Variants in USH2A observed in about 807,000 individuals in gnomAD.
USH2A encodes the protein usherin.
Under a neutral mutation model 538.9 loss-of-function variants are expected in USH2A, and 443 were observed. The ratio of observed to expected loss-of-function variants is 0.82; its 90% CI spans 0.76 to 0.89. The LOEUF (loss-of-function observed/expected upper bound fraction) is 0.89. Among genes scored for constraint, USH2A ranks in the 40% least tolerant of loss-of-function variants. USH2A has a pLI of 0.00. For synonymous variants in USH2A, 2,413 were observed against 2,273.5 expected, an observed-to-expected ratio of 1.06 and a Z score of -1.75; for missense variants, 6,633 against 6,324.8, an observed-to-expected ratio of 1.05 and a Z score of -1.65.
chr1:216,338,773 CAT>C (rs1384663435), intron 4 of USH2A, among the ~76,000 whole-genome samples: 1 of 151,292 alleles, frequency 6.6e-6, no homozygotes, highest in African/African-American at 2.4e-5. Flanking sequence ...ACTCAAATGC[CAT>C]ATGTTTCAAT....
chr1:215,877,721 A>G (rs1327129956), intron 43 of USH2A, 37 bp downstream of exon 43: 1 of 1,612,400 alleles, frequency 6.2e-7, no homozygotes, highest in Admixed American at 1.7e-5. Flanking sequence ...CCAGAACTAA[A>G]TGCCAGCATT....
At chr1:216,097,315 C>T in intron 21 of USH2A, 102 bp from the exon 22 acceptor site, 2 of 1,590,962 alleles carry the variant, frequency 1.3e-6, no homozygotes, top group Non-Finnish European at 8.6e-7. Flanking sequence ...GTAGTGAGTA[C>T]AGTCAGGAAA....
At chr1:215,781,297 A>C (rs1014002780) in intron 54 of USH2A, among the ~76,000 whole-genome samples, 2 of 152,218 alleles carry the variant, frequency 1.3e-5, no homozygotes, top group African/African-American at 4.8e-5. Context: ...CCACCCTGCT[A>C]TCTGATCCTT....
intron 46 of USH2A, 103 bp downstream of exon 46, chr1:215,844,191 A>C: frequency 8.0e-7 from 1 of 1,250,374 alleles, no homozygotes; most frequent in Non-Finnish European, 1.1e-6. Context: ...CCACCAAAGA[A>C]ATAATCTGTA....
chr1:216,261,247 A>C (rs1056039806), intron 11 of USH2A, among the ~76,000 whole-genome samples: 1 of 152,064 alleles, frequency 6.6e-6, no homozygotes, highest in African/African-American at 2.4e-5. Context: ...TAAAAGTTGC[A>C]TTCATTAAAA....
At chr1:216,359,827 A>T (rs964681689) in intron 4 of USH2A, among the ~76,000 whole-genome samples, 3 of 152,076 alleles carry the variant, frequency 2.0e-5, no homozygotes, top group Non-Finnish European at 4.4e-5. Flanking sequence ...ATGCAATAGT[A>T]ACAAAATTAG....
rs775922302 is a variant in USH2A at position 216,324,315 on chromosome 1, G to C, written c.1181C>G (p.Pro394Arg). 6.2e-7 allele frequency: 1 copy of C among 1,612,480 alleles called. No individual in the cohort carries two copies. Among genetic ancestry groups the C allele is most frequent in the South Asian group, 1.1e-5 (1 of 90,958 alleles). ...YIIIQFFSPQ[P>R]TEIRIQRKKE... ...CTTCCTTTGAATCCTTATTTCCGTT[G>C]GTTGTGGACTAAAGAACTGAATGAT... The change falls in exon 7 of 72, where the codon CCA becomes CGA. Residue 394 changes from proline (P) to arginine (R), a missense_variant. Transcript: ENST00000307340.
chr1:215,970,171 A>G (rs528413265), intron 36 of USH2A, among the ~76,000 whole-genome samples: 13 of 152,302 alleles, frequency 8.5e-5, no homozygotes, highest in Admixed American at 8.5e-4. Context: ...AAACTATTTT[A>G]TCCTAACAGA....
At chr1:216,375,218 T>C (rs2038795637) in intron 3 of USH2A, among the ~76,000 whole-genome samples, 1 of 152,182 alleles carries the variant, frequency 6.6e-6, no homozygotes, top group Non-Finnish European at 1.5e-5. Context: ...TTTTTGGAGC[T>C]TTGAAACTAG....
intron 44 of USH2A, among the ~76,000 whole-genome samples, chr1:215,850,175 T>C (rs1219078651): frequency 6.6e-6 from 1 of 151,994 alleles, no homozygotes; most frequent in Admixed American, 6.6e-5. Flanking sequence ...AAACTGAACA[T>C]TGAAAACAGC....
chr1:216,324,394 T>G, intron 6 of USH2A, 42 bp from the exon 7 acceptor site: 2 of 1,532,192 alleles, frequency 1.3e-6, no homozygotes, highest in African/African-American at 2.7e-5. Flanking sequence ...AGTTTTAAGT[T>G]TAACCATCAG....
intron 4 of USH2A, among the ~76,000 whole-genome samples, chr1:216,328,813 TGTGA>T (rs1178310023): frequency 2.6e-5 from 4 of 152,030 alleles, no homozygotes; most frequent in Non-Finnish European, 5.9e-5. Flanking sequence ...TGTGTCTGTG[TGTGA>T]GTGTGTGTAT....
At position 216,070,200 on chromosome 1, in the gene USH2A, T is replaced by C; in HGVS notation, c.5950A>G (p.Ile1984Val). 1.2e-6 allele frequency: 2 copies of C among 1,614,002 alleles called. No individual in the cohort carries two copies. Among genetic ancestry groups the C allele is most frequent in the Non-Finnish European group, 1.7e-6 (2 of 1,179,934 alleles). ...TAGGCTTTCAGAATGTACTTCTCAA[T>C]TACACCTCTGACAACAGGTTCATCC... ...TWDEPVVRGV[I>V]EKYILKAYSE... is the part of the protein sequence containing the mutation. Residue 1984 changes from isoleucine (I) to valine (V), a missense_variant, in exon 30 of 72, where the codon ATT becomes GTT. Ile to Val is a conservative substitution (Grantham distance 29, BLOSUM62 3). Coordinates refer to ENST00000307340, the MANE Select transcript of USH2A (RefSeq NM_206933.4).
intron 27 of USH2A, among the ~76,000 whole-genome samples, chr1:216,074,851 A>G (rs985866042): frequency 1.6e-4 from 25 of 152,218 alleles, no homozygotes; most frequent in African/African-American, 6.0e-4. Context: ...AAGTGCTGTT[A>G]TAAGAAATGC....
At chr1:215,981,656 G>A (rs534771230) in intron 35 of USH2A, among the ~76,000 whole-genome samples, 9 of 152,264 alleles carry the variant, frequency 5.9e-5, no homozygotes, top group East Asian at 5.8e-4. Context: ...ACCTCAAGGA[G>A]TATACCAAAT....
At chr1:216,083,884 G>A (rs897717444) in intron 25 of USH2A, among the ~76,000 whole-genome samples, 2 of 152,122 alleles carry the variant, frequency 1.3e-5, no homozygotes, top group Non-Finnish European at 2.9e-5. Context: ...TTAACAATAA[G>A]TAGTTTGCAT....
At chr1:215,901,155 A>T (rs921027613) in intron 38 of USH2A, 2 of 518,258 alleles carry the variant, frequency 3.9e-6, no homozygotes, top group Non-Finnish European at 7.0e-6. Context: ...AATATGCAGC[A>T]CATTCCCACC....
intron 55 of USH2A, among the ~76,000 whole-genome samples, chr1:215,773,475 T>C (rs1378020392): frequency 8.1e-6 from 1 of 123,574 alleles, no homozygotes; most frequent in Admixed American, 7.7e-5. Context: ...ACTTTACGGA[T>C]GTCTCTCTGT....
At chr1:215,883,785 A>G (rs1286237608) in intron 41 of USH2A, among the ~76,000 whole-genome samples, 5 of 152,174 alleles carry the variant, frequency 3.3e-5, no homozygotes, top group Non-Finnish European at 7.3e-5. Context: ...ATATTATTAT[A>G]ACTCAATGGC....
Sources: allele counts gnomAD v4.1 joint callset (sites outside exome capture counted in the v4.1 genomes callset), GRCh38; gene constraint gnomAD v4.1.1; transcripts MANE v1.5; gene names NCBI Gene and HGNC (gene_info 2026-07-23, HGNC 2026-07-21).